The following CCSER1 variants were observed in gnomAD, a reference collection of about 807,000 sequenced individuals.
The protein encoded by CCSER1 is coiled-coil serine rich protein 1.
A neutral mutation model predicts 82.0 loss-of-function variants in CCSER1; 41 were observed. The observed-to-expected ratio is 0.50, with a 90% CI of 0.39 to 0.65. CCSER1 has a LOEUF of 0.65. Ranked by LOEUF, CCSER1 falls within the 30% of genes least tolerant of loss-of-function variation. The probability of loss-of-function intolerance (pLI) is 0.00; values close to 1 mark genes in which losing one functional copy is unlikely to be tolerated. For synonymous variants in CCSER1, 414 were observed against 383.9 expected (o/e 1.08, Z -0.92); for missense variants, 1,119 against 1,064.2 (o/e 1.05, Z -0.72).
chr4:90,394,761 AT>A (rs1307859643), intron 3 of CCSER1, among the ~76,000 whole-genome samples: 4 of 152,130 alleles, frequency 2.6e-5, no homozygotes, highest in African/African-American at 9.6e-5. Context: ...ATATATCTTT[AT>A]TTTTTATGAT....
chr4:91,598,836 A>G lies in CCSER1; in HGVS notation c.2482A>G (p.Ser828Gly). The G allele has an allele frequency of 6.4e-7, 1 of 1,551,664 alleles. No individual in the cohort carries two copies. Among genetic ancestry groups the G allele is most frequent in the Non-Finnish European group, 8.7e-7 (1 of 1,146,946 alleles). The part of the protein sequence containing the change: ...TQNLRATVGQ[S>G]SLKPTAKTEG... ...GAACTTACGGGCCACCGTTGGGCAG[A>G]GCTCTCTGAAGCCAACAGCTAAGAC... The change falls in exon 11 of 11, where the codon AGC becomes GGC. Residue 828 changes from serine to glycine, a missense_variant. Transcript: ENST00000509176.
chr4:91,276,508 A>G (rs543887300), intron 10 of CCSER1, among the ~76,000 whole-genome samples: 5 of 152,042 alleles, frequency 3.3e-5, no homozygotes, highest in African/African-American at 1.2e-4. Flanking sequence ...CTTCAACTTT[A>G]CTGAATTTAT....
intron 6 of CCSER1, among the ~76,000 whole-genome samples, chr4:90,722,917 T>G (rs1199674185): frequency 6.6e-6 from 1 of 151,988 alleles, no homozygotes. Context: ...ATGCTTTGAA[T>G]GCGTTCTTTT....
At chr4:90,157,809 T>C (rs180675744) in intron 1 of CCSER1, among the ~76,000 whole-genome samples, 103 of 152,292 alleles carry the variant, frequency 6.8e-4, no homozygotes, top group African/African-American at 2.2e-3. Flanking sequence ...CTTCTTTGCC[T>C]TTGGTTTGAA....
At chr4:91,238,259 C>T (rs1382697009) in intron 10 of CCSER1, among the ~76,000 whole-genome samples, 1 of 152,048 alleles carries the variant, frequency 6.6e-6, no homozygotes, top group Non-Finnish European at 1.5e-5. Context: ...ATAAAAAGGT[C>T]CATGGAGGAA....
intron 10 of CCSER1, among the ~76,000 whole-genome samples, chr4:91,406,555 C>T (rs532540029): frequency 1.8e-4 from 27 of 152,128 alleles, no homozygotes; most frequent in African/African-American, 2.4e-4. Flanking sequence ...CACAAATACA[C>T]GCTAGTAAAT....
intron 3 of CCSER1, among the ~76,000 whole-genome samples, chr4:90,380,913 G>A (rs527502659): frequency 6.6e-6 from 1 of 152,346 alleles, no homozygotes; most frequent in South Asian, 2.1e-4. Context: ...CAAACAGGAA[G>A]TGATTGCAAT....
intron 10 of CCSER1, among the ~76,000 whole-genome samples, chr4:91,549,925 C>CTT (rs35257135): frequency 1.9e-3 from 275 of 147,648 alleles, no homozygotes; most frequent in African/African-American, 6.3e-3. Flanking sequence ...GTCATTGCTG[C>CTT]TTTTTTTTTT....
chr4:90,598,766 G>A (rs1367247833), intron 5 of CCSER1, among the ~76,000 whole-genome samples: 2 of 152,112 alleles, frequency 1.3e-5, no homozygotes, highest in African/African-American at 2.4e-5. Flanking sequence ...TGGCTCAGGT[G>A]TCTACCTCAC....
intron 10 of CCSER1, among the ~76,000 whole-genome samples, chr4:91,384,968 T>C (rs1487432337): frequency 6.6e-6 from 1 of 152,062 alleles, no homozygotes; most frequent in Non-Finnish European, 1.5e-5. Flanking sequence ...ACAGTCATTC[T>C]CATGCATTGC....
At chr4:90,425,459 A>T (rs1179218967) in intron 4 of CCSER1, among the ~76,000 whole-genome samples, 1 of 152,202 alleles carries the variant, frequency 6.6e-6, no homozygotes, top group Non-Finnish European at 1.5e-5. Flanking sequence ...TAATTCAAGC[A>T]ATGTACATCT....
chr4:91,177,476 A>G (rs1733520777), intron 10 of CCSER1, among the ~76,000 whole-genome samples: 1 of 152,130 alleles, frequency 6.6e-6, no homozygotes, highest in Admixed American at 6.6e-5. Flanking sequence ...GTAGGCTACC[A>G]ATTGTTGCCT....
intron 4 of CCSER1, among the ~76,000 whole-genome samples, chr4:90,424,972 A>G (rs1757325771): frequency 6.6e-6 from 1 of 152,070 alleles, no homozygotes; most frequent in Non-Finnish European, 1.5e-5. Flanking sequence ...CTTAATTCTC[A>G]CATTTCTTTT....
At chr4:90,494,173 A>G (rs572619524) in intron 5 of CCSER1, among the ~76,000 whole-genome samples, 1 of 152,382 alleles carries the variant, frequency 6.6e-6, no homozygotes, top group South Asian at 2.1e-4. Flanking sequence ...AAAGAAGGCC[A>G]TTACATAATG....
intron 10 of CCSER1, among the ~76,000 whole-genome samples, chr4:91,150,163 G>A (rs573359462): frequency 6.6e-6 from 1 of 152,062 alleles, no homozygotes; most frequent in Non-Finnish European, 1.5e-5. Context: ...GTTGAGCAGT[G>A]GTTTGTAATT....
intron 10 of CCSER1, among the ~76,000 whole-genome samples, chr4:91,146,955 C>T (rs1581644231): frequency 6.6e-6 from 1 of 152,120 alleles, no homozygotes; most frequent in African/African-American, 2.4e-5. Context: ...TGTTCCTGGG[C>T]CTTGGTGGAG....
chr4:91,483,996 A>G (rs1381121700), intron 10 of CCSER1, among the ~76,000 whole-genome samples: 1 of 150,420 alleles, frequency 6.6e-6, no homozygotes, highest in Non-Finnish European at 1.5e-5. Flanking sequence ...AGTGCTTACA[A>G]CTTTAACTTC....
At chr4:90,422,598 C>G (rs946189924) in intron 4 of CCSER1, among the ~76,000 whole-genome samples, 2 of 151,920 alleles carry the variant, frequency 1.3e-5, no homozygotes, top group Non-Finnish European at 2.9e-5. Flanking sequence ...CTCTCTCTCT[C>G]TCTTTCTATA....
At chr4:90,326,467 C>G (rs1208160211) in intron 3 of CCSER1, among the ~76,000 whole-genome samples, 1 of 148,594 alleles carries the variant, frequency 6.7e-6, no homozygotes, top group East Asian at 2.1e-4. Flanking sequence ...AAAGTTTGCT[C>G]TGAAATTCCA....
Sources: gnomAD v4.1 joint callset for allele counts (sites outside exome capture counted in the v4.1 genomes callset) on GRCh38, gnomAD v4.1.1 for gene constraint, MANE v1.5 for transcripts, NCBI Gene and HGNC (gene_info 2026-07-23, HGNC 2026-07-21) for gene names.